The following HGS variants were observed in gnomAD, a reference collection of about 807,000 sequenced individuals.
HGS encodes the protein human growth factor-regulated tyrosine kinase substrate.
A neutral mutation model predicts 109.7 loss-of-function variants in HGS; 63 were observed. The observed-to-expected ratio is 0.57, with a 90% CI of 0.47 to 0.71. The LOEUF (loss-of-function observed/expected upper bound fraction) is 0.71, where lower values mean the gene tolerates loss of function less well. Among genes scored for constraint, HGS ranks in the 30% least tolerant of loss-of-function variants. HGS has a pLI of 0.00. For missense variants in HGS, 995 were observed against 1,068.3 expected (o/e 0.93, Z 0.96); for synonymous variants, 546 against 437.3 (o/e 1.25, Z -3.10).
At chr17:81,695,352 G>A (rs1276541064) in intron 14 of HGS, 129 bp downstream of exon 14, 1 of 919,938 alleles carries the variant, frequency 1.1e-6, no homozygotes, top group Non-Finnish European at 1.7e-6. Flanking sequence ...CCCCAGCCCA[G>A]CCCTGGCCTG....
At chr17:81,690,775 G>C in intron 7 of HGS, 33 bp downstream of exon 7, 1 of 1,582,326 alleles carries the variant, frequency 6.3e-7, no homozygotes, top group Non-Finnish European at 8.6e-7. Flanking sequence ...CTACAGCCCC[G>C]GCCAGACACC....
In HGS at chr17:81,684,063, C is replaced by G. The variant is rs368213492; in HGVS notation, c.-4C>G. ...GCGGCGTCGGGTTTGGGCTGGAGGT[C>G]GCCATGGGGCGAGGCAGCGGCACCT... On this transcript the variant is annotated 5_prime_UTR_variant, in exon 1 of 22. Transcript: ENST00000329138. 2 of 1,593,746 alleles carry G rather than the reference C, an allele frequency of 1.3e-6. No individual in the cohort carries two copies. The highest frequency in any genetic ancestry group is 1.3e-5 in the African/African-American group (1 of 74,654).
chr17:81,687,958 C>T lies in HGS; in HGVS notation c.292-746C>T, dbSNP rs1014724604. ...GAAGGTGCCGGAGTCTGGCCCTGCCCGACCCTGGTGCTCCTGAGCTCCTTC... is the reference window on the plus strand; with the variant it reads ...GAAGGTGCCGGAGTCTGGCCCTGCCTGACCCTGGTGCTCCTGAGCTCCTTC... On this transcript the variant is annotated intron_variant, in intron 4 of 21. Transcript: ENST00000329138. Among the ~76,000 whole-genome samples, 13 of 152,340 alleles carry T rather than the reference C, an allele frequency of 8.5e-5. 1 individual carries two copies. Among genetic ancestry groups the T allele is most frequent in the Admixed American group, 5.9e-4 (9 of 15,308 alleles).
chr17:81,686,531 C>T (rs1484505046), intron 3 of HGS, 144 bp downstream of exon 3: 20 of 643,506 alleles, frequency 3.1e-5, no homozygotes, highest in Non-Finnish European at 1.7e-5. Flanking sequence ...CCTTGAGTGC[C>T]TGTGTGAACA....
chr17:81,695,098 G>C (rs1337632026), intron 13 of HGS, 31 bp downstream of exon 13: 1 of 1,612,418 alleles, frequency 6.2e-7, no homozygotes, highest in Non-Finnish European at 8.5e-7. Flanking sequence ...ATTCCTAGTG[G>C]CAGGGTCCCT....
At position 81,696,973 on chromosome 17, in the gene HGS, C is replaced by T; in HGVS notation, c.1857C>T (p.Tyr619=). ...MSQPAPAAGP[Y]PSMPSTAADP... is the part of the protein sequence containing the mutation. The stretch of plus-strand genomic sequence containing the variant: ...AGCCGGCCCCTGCCGCTGGCCCCTA[C>T]CCCAGCATGCCCAGCACTGCGGCTG... The change falls in exon 18 of 22, where the codon TAC becomes TAT. Residue 619 remains tyrosine, a synonymous_variant. Coordinates refer to ENST00000329138, the MANE Select transcript of HGS (RefSeq NM_004712.5). 1 of 1,597,458 alleles carries T rather than the reference C, an allele frequency of 6.3e-7. No homozygotes were observed. The highest frequency in any genetic ancestry group is 1.1e-5 in the South Asian group (1 of 90,734).
chr17:81,695,409 G>A (rs2037130419), intron 14 of HGS, among the ~76,000 whole-genome samples, 186 bp downstream of exon 14: 3 of 152,332 alleles, frequency 2.0e-5, no homozygotes, highest in Admixed American at 1.3e-4. Context: ...CTCTACACCA[G>A]GCTGTGGTCC....
chr17:81,685,865 C>T (rs945112116), intron 2 of HGS, among the ~76,000 whole-genome samples, 176 bp downstream of exon 2: 1 of 152,220 alleles, frequency 6.6e-6, no homozygotes, highest in Non-Finnish European at 1.5e-5. Flanking sequence ...GGGGTTTTCT[C>T]TGTACAGCTT....
rs2037160277 is a variant in HGS, at chr17:81,696,922, C to T, written c.1806C>T (p.Ser602=). 1.9e-6 allele frequency: 3 copies of T among 1,608,114 alleles called. No homozygotes were observed. Among genetic ancestry groups the T allele is most frequent in the South Asian group, 2.2e-5 (2 of 91,062 alleles). The change falls in exon 18 of 22, where the codon TCC becomes TCT. Residue 602 remains serine, a synonymous_variant. Transcript: ENST00000329138. The part of the protein sequence containing the change: ...TFSPAGSVEG[S]PMHGVYMSQP... ...GCCCTGCCGGCTCGGTGGAGGGCTC[C>T]CCAATGCACGGCGTGTACATGAGCC...
chr17:81,701,546 C>A lies in HGS; in HGVS notation c.2262C>A (p.Pro754=). ...PSGGPPQQQP[P]VAQQPQAQGP... is the part of the protein sequence containing the mutation. ...GCGGTCCCCCCCAGCAGCAGCCCCC[C>A]GTGGCCCAGCAACCGCAGGCACAGG... The change falls in exon 22 of 22, where the codon CCC becomes CCA. Residue 754 remains proline (P), a synonymous_variant. Coordinates refer to ENST00000329138, the MANE Select transcript of HGS (RefSeq NM_004712.5). 6.4e-7 allele frequency: 1 copy of A among 1,567,382 alleles called. No homozygotes were observed. Among genetic ancestry groups the A allele is most frequent in the East Asian group, 2.3e-5 (1 of 42,630 alleles).
chr17:81,700,523 G>GC lies in HGS; in HGVS notation c.1945dup (p.Gln649ProfsTer192). 1 of 1,607,792 alleles carries GC rather than the reference G, an allele frequency of 6.2e-7. No homozygotes were observed. Among genetic ancestry groups the GC allele is most frequent in the Non-Finnish European group, 8.5e-7 (1 of 1,177,122 alleles). ...AGCAGGGGCCACTGGGGCGCAGGCG[G>GC]CCCCCCAGGCCCAGGCCGGACCCAC... is the stretch of plus-strand genomic sequence containing the variant. On this transcript the variant is annotated frameshift_variant, in exon 19 of 22. Coordinates refer to ENST00000329138, the MANE Select transcript of HGS (RefSeq NM_004712.5). LOFTEE classifies it high-confidence loss of function.
chr17:81,693,749 G>A lies in HGS; in HGVS notation c.837G>A (p.Arg279=). The A allele has an allele frequency of 1.3e-6, 2 of 1,550,778 alleles. No homozygotes were observed. Among genetic ancestry groups the A allele is most frequent in the Non-Finnish European group, 1.7e-6 (2 of 1,150,080 alleles). The change falls in exon 10 of 22, where the codon AGG becomes AGA. Residue 279 remains arginine (R), a synonymous_variant. Coordinates refer to ENST00000329138, the MANE Select transcript of HGS (RefSeq NM_004712.5). ...AGTCAGAGGCGGAGGAGAAGGAGAG[G>A]CTGGTAAGCCGGGTGGGGCGGGGCG... The part of the protein sequence containing the change: ...LSQSEAEEKE[R]LRQKSTYTSY...
At chr17:81,684,442 G>A (rs1388706114) in intron 1 of HGS, 7 of 267,862 alleles carry the variant, frequency 2.6e-5, no homozygotes, top group Non-Finnish European at 4.2e-5. Flanking sequence ...CCTGAGTCAT[G>A]AAAGTGGGTG....
In HGS at chr17:81,691,948, C is replaced by T. The variant is rs753514405; in HGVS notation, c.662+377C>T. The T allele has an allele frequency of 2.4e-4, 45 of 189,498 alleles. No individual in the cohort carries two copies. The highest frequency in any genetic ancestry group is 1.4e-3 in the Admixed American group (26 of 18,570). The allele number at this position is 189,498 out of a possible 1,614,324, so 11.7% of individuals were successfully genotyped here. A position where few individuals can be genotyped will look rare whatever the true frequency, so the allele number is the denominator to read the frequency against. The stretch of plus-strand genomic sequence containing the variant: ...TCAGCGGTGGGAACCTGCGGGGCCG[C>T]GGCCGGTGCCTCGGCGGTCGGTGTT... On this transcript the variant is annotated intron_variant, in intron 8 of 21. Transcript: ENST00000329138. This position sits in a 1 kb window ranked among gnomAD's most constrained non-coding sequence, Gnocchi z 5.3.
At chr17:81,685,301 C>T (rs1229733059) in intron 1 of HGS, among the ~76,000 whole-genome samples, 1 of 152,198 alleles carries the variant, frequency 6.6e-6, no homozygotes, top group African/African-American at 2.4e-5. Flanking sequence ...GCCTCTGTCT[C>T]TGGTGAGCTG....
At position 81,696,354 on chromosome 17, in the gene HGS, C is replaced by T. The variant is rs373384278; in HGVS notation, c.1394-3C>T. On this transcript the variant is annotated splice_region_variant and splice_polypyrimidine_tract_variant and intron_variant, in intron 15 of 21. Transcript: ENST00000329138. ...TCAGGGTTGCTCTGTCATCTGCCCA[C>T]AGTGTACTATGAGGGGCTGCAGGAC... The T allele has an allele frequency of 8.3e-5, 131 of 1,572,476 alleles. No homozygotes were observed. The Middle Eastern group carries it at 1.6e-3, about 19-fold the overall frequency.
chr17:81,689,505 G>T (rs1446982231), intron 5 of HGS, among the ~76,000 whole-genome samples: 2 of 152,150 alleles, frequency 1.3e-5, no homozygotes, highest in Admixed American at 6.5e-5. Flanking sequence ...GGTGCTCAGG[G>T]CCCACTCAGT....
intron 4 of HGS, among the ~76,000 whole-genome samples, chr17:81,687,621 T>A (rs2036999908): frequency 6.6e-6 from 1 of 152,196 alleles, no homozygotes; most frequent in South Asian, 2.1e-4. Context: ...GGAAAAGCCC[T>A]CCAGATCCCC....
In HGS at chr17:81,694,108, C is replaced by T. The variant is rs567961594; in HGVS notation, c.936+143C>T. 739 of 683,136 alleles carry T rather than the reference C, an allele frequency of 1.1e-3. 1 individual carries two copies. Among genetic ancestry groups the T allele is most frequent in the Non-Finnish European group, 1.5e-3 (615 of 417,556 alleles). 42.3% of individuals were successfully genotyped at this position (683,136 alleles called of 1,614,324 possible). Reference sequence around the variant, plus strand: ...AGAGAGGACAGCCCCAGCACACGGGCGGACATCAGGGCAGAGCCCCACGGC... The same window carrying T: ...AGAGAGGACAGCCCCAGCACACGGGTGGACATCAGGGCAGAGCCCCACGGC... On this transcript the variant is annotated intron_variant, in intron 11 of 21. Coordinates refer to ENST00000329138, the MANE Select transcript of HGS (RefSeq NM_004712.5).
Sources: allele counts gnomAD v4.1 joint callset (sites outside exome capture counted in the v4.1 genomes callset), GRCh38; gene constraint gnomAD v4.1.1; non-coding constraint Gnocchi (gnomAD v3.1); transcripts MANE v1.5; gene names NCBI Gene and HGNC (gene_info 2026-07-23, HGNC 2026-07-21).